SERGEF: variants seen among roughly 807,000 people sequenced by gnomAD.
SERGEF encodes the protein secretion regulating guanine nucleotide exchange factor.
SERGEF carries 51 observed loss-of-function variants against 50.0 expected under a neutral mutation model. The observed-to-expected ratio is 1.02, with a 90% CI of 0.81 to 1.29. The LOEUF (loss-of-function observed/expected upper bound fraction) is 1.29. SERGEF is among the 50% of genes most tolerant of loss of function. The probability of loss-of-function intolerance (pLI) is 0.00; values close to 1 mark genes in which losing one functional copy is unlikely to be tolerated. For synonymous variants in SERGEF, 205 were observed against 212.4 expected (o/e 0.97, Z 0.30); for missense variants, 521 against 557.0 (o/e 0.94, Z 0.65).
At chr11:17,896,853 T>G (rs150598688) in intron 9 of SERGEF, among the ~76,000 whole-genome samples, 737 of 12,632 alleles carry the variant, frequency 0.058, 5 homozygotes, top group Middle Eastern at 0.12. Context: ...AAGGGAAGGG[T>G]AAGGGAAGGG....
chr11:17,893,215 A>AT (rs2133912397), intron 9 of SERGEF, among the ~76,000 whole-genome samples: 1 of 152,282 alleles, frequency 6.6e-6, no homozygotes, highest in East Asian at 1.9e-4. Flanking sequence ...AGGTTTTATT[A>AT]TGACTTTTTT....
chr11:17,794,171 A>G (rs998275083), intron 10 of SERGEF, among the ~76,000 whole-genome samples: 1 of 152,230 alleles, frequency 6.6e-6, no homozygotes, highest in African/African-American at 2.4e-5. Flanking sequence ...TCTTGCAGCT[A>G]GCTAGGTGTG....
At chr11:17,905,119 C>G (rs1023142957) in intron 9 of SERGEF, among the ~76,000 whole-genome samples, 1 of 152,188 alleles carries the variant, frequency 6.6e-6, no homozygotes, top group African/African-American at 2.4e-5. Context: ...AACATCAATA[C>G]TTGGTCCAAA....
chr11:17,918,094 A>G (rs1476430577), intron 9 of SERGEF, among the ~76,000 whole-genome samples: 1 of 152,192 alleles, frequency 6.6e-6, no homozygotes, highest in African/African-American at 2.4e-5. Context: ...GAAGGTCACA[A>G]GCTAAGAAGT....
chr11:17,945,203 C>T (rs903009382), intron 9 of SERGEF, among the ~76,000 whole-genome samples: 74 of 152,178 alleles, frequency 4.9e-4, no homozygotes, highest in African/African-American at 1.7e-3. Flanking sequence ...TTCTATATGC[C>T]GCCTAGGTAG....
At chr11:17,854,398 T>G (rs1297256131) in intron 10 of SERGEF, among the ~76,000 whole-genome samples, 1 of 152,146 alleles carries the variant, frequency 6.6e-6, no homozygotes, top group Non-Finnish European at 1.5e-5. Flanking sequence ...AGCCTATTCT[T>G]TCCTCTCTCC....
chr11:17,961,043 TC>T (rs1477024859), intron 8 of SERGEF, among the ~76,000 whole-genome samples: 1 of 152,128 alleles, frequency 6.6e-6, no homozygotes, highest in Admixed American at 6.6e-5. Context: ...CTTTCTTGAC[TC>T]CCCAGCTCTC....
chr11:17,896,583 AAGGGGAAG>A (rs1851628943), intron 9 of SERGEF, among the ~76,000 whole-genome samples: 1 of 13,486 alleles, frequency 7.4e-5, no homozygotes, highest in Non-Finnish European at 1.4e-4. Context: ...AAGGGAAGGG[AAGGGGAAG>A]GGAAGGGAAG....
In SERGEF at chr11:18,008,070, T is replaced by A. The variant is rs1488504255; in HGVS notation, c.67A>T (p.Asn23Tyr). The A allele has an allele frequency of 6.2e-7, 1 of 1,613,606 alleles. No homozygotes were observed. Among genetic ancestry groups the A allele is most frequent in the Non-Finnish European group, 8.5e-7 (1 of 1,179,864 alleles). ...CCGAGGCCAAGTTGCCCATAGCTATTTGCACCCTAGGGATGAATAAGCCAA... is the reference window on the plus strand; with the variant it reads ...CCGAGGCCAAGTTGCCCATAGCTATATGCACCCTAGGGATGAATAAGCCAA... ...AAAALFAWGA[N>Y]SYGQLGLGHK... is the part of the protein sequence containing the mutation. The change falls in exon 2 of 11, where the codon AAT becomes TAT. Residue 23 changes from asparagine to tyrosine, a missense_variant. Asn to Tyr is a moderately radical substitution (Grantham distance 143). Coordinates refer to ENST00000265965, the MANE Select transcript of SERGEF (RefSeq NM_012139.4).
At chr11:18,001,208 T>C (rs1023049027) in intron 4 of SERGEF, among the ~76,000 whole-genome samples, 1 of 152,260 alleles carries the variant, frequency 6.6e-6, no homozygotes. Context: ...ACAGTTGTCA[T>C]GTCCTCTCTA....
chr11:17,901,335 A>G, intron 9 of SERGEF, among the ~76,000 whole-genome samples: 1 of 152,126 alleles, frequency 6.6e-6, no homozygotes, highest in East Asian at 1.9e-4. Flanking sequence ...TGCCCAAAGT[A>G]ACCTTTCTAG....
chr11:18,012,386 C>T (rs971625726), intron 1 of SERGEF: 2 of 611,554 alleles, frequency 3.3e-6, no homozygotes, highest in African/African-American at 4.0e-5. Flanking sequence ...CCCAATGCTC[C>T]CGTCAAACCA....
intron 8 of SERGEF, among the ~76,000 whole-genome samples, chr11:17,959,901 C>T (rs1050449362): frequency 5.3e-5 from 8 of 152,204 alleles, no homozygotes; most frequent in African/African-American, 1.9e-4. Context: ...AAAGTTTCTG[C>T]TCTTGCATGT....
intron 8 of SERGEF, among the ~76,000 whole-genome samples, chr11:17,972,315 T>C (rs1853264149): frequency 6.6e-6 from 1 of 152,204 alleles, no homozygotes; most frequent in Admixed American, 6.5e-5. Context: ...AAGGAAGAGT[T>C]CAACTGATGT....
intron 9 of SERGEF, among the ~76,000 whole-genome samples, chr11:17,911,286 G>A (rs938761987): frequency 6.8e-6 from 1 of 146,900 alleles, no homozygotes; most frequent in East Asian, 2.0e-4. Flanking sequence ...CTGGCTCTGG[G>A]AAGTTTTTTG....
At chr11:17,823,421 C>T (rs1004409987) in intron 10 of SERGEF, among the ~76,000 whole-genome samples, 1 of 152,164 alleles carries the variant, frequency 6.6e-6, no homozygotes, top group African/African-American at 2.4e-5. Flanking sequence ...CCATGCTCTA[C>T]TCTTTGAAAG....
At chr11:17,934,573 G>A (rs1193873371) in intron 9 of SERGEF, among the ~76,000 whole-genome samples, 1 of 152,024 alleles carries the variant, frequency 6.6e-6, no homozygotes, top group Non-Finnish European at 1.5e-5. Context: ...AAATAAAATG[G>A]GGCAATGACT....
intron 9 of SERGEF, among the ~76,000 whole-genome samples, chr11:17,952,479 C>T (rs1852790182): frequency 1.3e-5 from 2 of 152,116 alleles, no homozygotes; most frequent in African/African-American, 4.8e-5. Context: ...CCTCAATCCT[C>T]TCTCTCATCT....
intron 10 of SERGEF, among the ~76,000 whole-genome samples, chr11:17,801,174 G>A (rs1849662706): frequency 7.6e-6 from 1 of 132,352 alleles, no homozygotes; most frequent in African/African-American, 2.8e-5. Context: ...CGGCCTGGGC[G>A]AAAGAGCGAG....
Sources: allele counts gnomAD v4.1 joint callset (sites outside exome capture counted in the v4.1 genomes callset), GRCh38; gene constraint gnomAD v4.1.1; transcripts MANE v1.5; gene names NCBI Gene and HGNC (gene_info 2026-07-23, HGNC 2026-07-21).